The following FDFT1 variants were observed in gnomAD, a reference collection of about 807,000 sequenced individuals.
The protein encoded by FDFT1 is farnesyl-diphosphate farnesyltransferase 1.
A neutral mutation model predicts 46.8 loss-of-function variants in FDFT1; 68 were observed. The ratio of observed to expected loss-of-function variants is 1.45; its 90% CI spans 1.19 to 1.78. FDFT1 has a LOEUF of 1.78. FDFT1 is among the 40% of genes most tolerant of loss of function. The probability of loss-of-function intolerance (pLI) is 0.00; values close to 1 mark genes in which losing one functional copy is unlikely to be tolerated. For missense variants in FDFT1, 928 were observed against 524.4 expected (o/e 1.77, Z -7.52); for synonymous variants, 351 against 185.1 (o/e 1.90, Z -7.28).
rs1807263361 is a variant in FDFT1, at chr8:11,808,739, CTCCCACTCCTGCTCCTCG to C, written c.100-54_100-37del. The C allele has an allele frequency of 1.4e-5, 23 of 1,588,132 alleles. No individual in the cohort carries two copies. In the Admixed American group the frequency reaches 2.8e-4, roughly 20 times the overall value. ...ACTCCCACTCCCACTCCCACTCCCA[CTCCCACTCCTGCTCCTCG>C]ACGTCTCCCACCGCCGTGTGTGTTG... is the stretch of plus-strand genomic sequence containing the variant. On this transcript the variant is annotated intron_variant, in intron 1 of 7. Coordinates refer to ENST00000220584, the MANE Select transcript of FDFT1 (RefSeq NM_004462.5).
chr8:11,803,411 C>G (rs1468205684), intron 1 of FDFT1: 2 of 1,288,724 alleles, frequency 1.6e-6, no homozygotes, highest in Non-Finnish European at 2.0e-6. Flanking sequence ...TTGCTGCCTT[C>G]CATCGCTTCA....
chr8:11,818,554 G>GT (rs145223751), intron 3 of FDFT1, among the ~76,000 whole-genome samples: 2,097 of 152,296 alleles, frequency 0.014, 41 homozygotes, highest in African/African-American at 0.047. Flanking sequence ...CCTGTATTGG[G>GT]TACATATATG....
upstream of FDFT1, among the ~76,000 whole-genome samples, chr8:11,800,948 G>T (rs913449661): frequency 3.3e-5 from 5 of 152,142 alleles, no homozygotes; most frequent in African/African-American, 1.2e-4. Context: ...TTAGTTTACA[G>T]TAGTAGGGGA....
chr8:11,819,397 C>G (rs1282085446), intron 3 of FDFT1, among the ~76,000 whole-genome samples: 1 of 152,146 alleles, frequency 6.6e-6, no homozygotes, highest in Non-Finnish European at 1.5e-5. Context: ...GTTGACCTGC[C>G]TTGCTAGGTT....
chr8:11,821,726 G>T (rs747916959), intron 3 of FDFT1, 24 bp from the exon 4 acceptor site: 1 of 1,610,966 alleles, frequency 6.2e-7, no homozygotes, highest in South Asian at 1.1e-5. Flanking sequence ...CATGATTTCT[G>T]TGTTTTTACG....
chr8:11,835,754 A>C (rs1255596659), intron 7 of FDFT1, among the ~76,000 whole-genome samples: 2 of 152,114 alleles, frequency 1.3e-5, no homozygotes, highest in Non-Finnish European at 2.9e-5. Context: ...GGAATGAATA[A>C]GTGTGTAGTT....
chr8:11,802,046 C>T (rs1397076488), upstream of FDFT1: 1 of 455,904 alleles, frequency 2.2e-6, no homozygotes, highest in Non-Finnish European at 4.4e-6. Context: ...TTTCCACATT[C>T]CTGTTACAGG....
chr8:11,796,302 C>T (rs960597806), intron 1 of FDFT1, among the ~76,000 whole-genome samples: 10 of 152,288 alleles, frequency 6.6e-5, no homozygotes, highest in African/African-American at 1.2e-4. Context: ...GATCTGATTA[C>T]GCTGTAAACA....
chr8:11,837,261 T>G (rs947361170), intron 7 of FDFT1, among the ~76,000 whole-genome samples: 1 of 152,226 alleles, frequency 6.6e-6, no homozygotes, highest in African/African-American at 2.4e-5. Context: ...GACAGGGTCT[T>G]GTTCTGTCAT....
intron 1 of FDFT1, chr8:11,808,265 C>G (rs995548431): frequency 8.2e-7 from 1 of 1,213,332 alleles, no homozygotes; most frequent in Non-Finnish European, 1.0e-6. Context: ...ACTGGGAGGA[C>G]GAGCGAGCCG....
Position 11,818,938 on chromosome 8 carries a change from T to C in FDFT1, c.382-2812T>C, listed in dbSNP as rs541034858. 7.2e-5 allele frequency among the ~76,000 whole-genome samples: 11 copies of C among 152,362 alleles called. 1 individual carries two copies. The East Asian group carries it at 2.1e-3, about 29-fold the overall frequency. On this transcript the variant is annotated intron_variant, in intron 3 of 7. Transcript: ENST00000220584. The stretch of plus-strand genomic sequence containing the variant: ...TTTGCCCATTAATTGATGCAGTTTC[T>C]TCCTAGCCTCGATGGTCTTTACAAT...
upstream of FDFT1, among the ~76,000 whole-genome samples, chr8:11,801,198 AAG>A (rs1418095219): frequency 2.6e-5 from 4 of 152,326 alleles, no homozygotes; most frequent in African/African-American, 9.6e-5. Flanking sequence ...GCAAAAGCAT[AAG>A]AGATGGAGGC....
At position 11,803,366 on chromosome 8, in the gene FDFT1, C is replaced by G. The variant is rs926018543; in HGVS notation, c.99+435C>G. The stretch of plus-strand genomic sequence containing the variant: ...GTTTCTGGAATGAAGTCTGACTCCT[C>G]CAGTTTCACCACCTCTTCCGGAGCT... On this transcript the variant is annotated intron_variant, in intron 1 of 7. Coordinates refer to ENST00000220584, the MANE Select transcript of FDFT1 (RefSeq NM_004462.5). 7.0e-6 allele frequency: 9 copies of G among 1,289,976 alleles called. No homozygotes were observed. The African/African-American group carries it at 1.4e-4, about 20-fold the overall frequency. The allele number at this position is 1,289,976 out of a possible 1,614,324, so 79.9% of individuals were successfully genotyped here. A position where few individuals can be genotyped will look rare whatever the true frequency, so the allele number is the denominator to read the frequency against.
chr8:11,796,569 C>T (rs559920345), intron 1 of FDFT1, among the ~76,000 whole-genome samples: 14 of 152,230 alleles, frequency 9.2e-5, no homozygotes, highest in African/African-American at 3.1e-4. Flanking sequence ...GAGTGGGAAG[C>T]TTTACGGTGG....
chr8:11,834,656 T>C (rs567311937), intron 7 of FDFT1, among the ~76,000 whole-genome samples: 1 of 152,372 alleles, frequency 6.6e-6, no homozygotes, highest in South Asian at 2.1e-4. Flanking sequence ...GAAGTTTAGA[T>C]GTTCATAGAC....
chr8:11,836,845 G>C (rs1431109925), intron 7 of FDFT1, among the ~76,000 whole-genome samples: 2 of 152,240 alleles, frequency 1.3e-5, no homozygotes, highest in African/African-American at 4.8e-5. Context: ...AGACCAGCCT[G>C]ACCAACACTG....
chr8:11,803,304 G>A (rs566686484), intron 1 of FDFT1: 4 of 1,305,942 alleles, frequency 3.1e-6, no homozygotes, highest in Admixed American at 2.3e-5. Flanking sequence ...TTTTTGGTAA[G>A]CGGAATGAAC....
At chr8:11,808,123 A>T (rs370506359) in intron 1 of FDFT1, 1 of 397,706 alleles carries the variant, frequency 2.5e-6, no homozygotes, top group African/African-American at 2.1e-5. Context: ...GATTCTGGTC[A>T]AATCAATTTA....
At chr8:11,808,939 G>A (rs770208166) in intron 2 of FDFT1, 48 bp downstream of exon 2, 1 of 1,593,302 alleles carries the variant, frequency 6.3e-7, no homozygotes, top group Non-Finnish European at 8.5e-7. Flanking sequence ...GCTTGTCCGG[G>A]ACCTTTGAGT....
Sources: allele counts gnomAD v4.1 joint callset (sites outside exome capture counted in the v4.1 genomes callset), GRCh38; gene constraint gnomAD v4.1.1; transcripts MANE v1.5; gene names NCBI Gene and HGNC (gene_info 2026-07-23, HGNC 2026-07-21).